Variants in ZDHHC3 observed in about 807,000 individuals in gnomAD.
ZDHHC3 encodes zDHHC palmitoyltransferase 3.
Under a neutral mutation model 30.6 loss-of-function variants are expected in ZDHHC3, and 9 were observed. The ratio of observed to expected loss-of-function variants is 0.29; its 90% CI spans 0.18 to 0.51. ZDHHC3 has a LOEUF of 0.51. Among genes scored for constraint, ZDHHC3 ranks in the 20% least tolerant of loss-of-function variants. The pLI is 0.97. For synonymous variants in ZDHHC3, 136 were observed against 140.2 expected (o/e 0.97, Z 0.21); for missense variants, 246 against 384.2 (o/e 0.64, Z 3.01).
Position 44,921,385 on chromosome 3 carries a change from CTCCTCATCAGAGATT to C in ZDHHC3, c.*5289_*5303del, listed in dbSNP as rs956690376. 4 of 985,320 alleles carry C rather than the reference CTCCTCATCAGAGATT, an allele frequency of 4.1e-6. No homozygotes were observed. The African/African-American group carries it at 7.0e-5, about 17-fold the overall frequency. The allele number at this position is 985,320 out of a possible 1,614,324, so 61.0% of individuals were successfully genotyped here. A position where few individuals can be genotyped will look rare whatever the true frequency, so the allele number is the denominator to read the frequency against. On this transcript the variant is annotated 3_prime_UTR_variant, in exon 7 of 7. Transcript: ENST00000424952. Reference sequence around the variant, plus strand: ...CATAGCGGGCCAGATAACACTGTCTCTCCTCATCAGAGATTTCATACCTCTATATTGTAACCCACA... The same window carrying C: ...CATAGCGGGCCAGATAACACTGTCTCTCATACCTCTATATTGTAACCCACA...
At chr3:44,958,414 C>T (rs973709231) in intron 2 of ZDHHC3, among the ~76,000 whole-genome samples, 7 of 152,132 alleles carry the variant, frequency 4.6e-5, no homozygotes, top group Non-Finnish European at 8.8e-5. Flanking sequence ...CTGAAACAAG[C>T]CACAGGAGGT....
At chr3:44,954,507 T>C (rs962744739) in intron 2 of ZDHHC3, among the ~76,000 whole-genome samples, 1 of 152,196 alleles carries the variant, frequency 6.6e-6, no homozygotes, top group Non-Finnish European at 1.5e-5. Context: ...TTTGTGTAAG[T>C]ACAGTCTATG....
rs1240496754 is a variant in ZDHHC3, at chr3:44,959,275, C to T, written c.162G>A (p.Leu54=). 1.2e-6 allele frequency: 2 copies of T among 1,614,198 alleles called. No individual in the cohort carries two copies. The highest frequency in any genetic ancestry group is 1.7e-5 in the Admixed American group (1 of 60,030). ...GGACCACGAACTCCGCATAGAGGACCAGAAACCAGGTAACGATGGCACAGG... is the reference window on the plus strand; with the variant it reads ...GGACCACGAACTCCGCATAGAGGACTAGAAACCAGGTAACGATGGCACAGG... ...GIACAIVTWF[L]VLYAEFVVLF... is the part of the protein sequence containing the mutation. The change falls in exon 2 of 7, where the codon CTG becomes CTA. Residue 54 remains leucine, a synonymous_variant. Coordinates refer to ENST00000424952, the MANE Select transcript of ZDHHC3 (RefSeq NM_001135179.2). The surrounding 1 kb of genome is among the most constrained non-coding windows in gnomAD (Gnocchi z 4.3).
chr3:44,952,640 T>C (rs1184252806), intron 2 of ZDHHC3, among the ~76,000 whole-genome samples: 1 of 152,188 alleles, frequency 6.6e-6, no homozygotes, highest in Non-Finnish European at 1.5e-5. Context: ...TGTGGTCTAT[T>C]TGGAGTTTCC....
At chr3:44,950,143 T>C (rs891342976) in intron 2 of ZDHHC3, among the ~76,000 whole-genome samples, 11 of 152,244 alleles carry the variant, frequency 7.2e-5, no homozygotes, top group African/African-American at 2.7e-4. Context: ...AGCTGTGTTC[T>C]CTTTCATGTA....
chr3:44,976,171 G>A lies in ZDHHC3; in HGVS notation c.-263C>T. 9.5e-7 allele frequency: 1 copy of A among 1,051,380 alleles called. No individual in the cohort carries two copies. Among genetic ancestry groups the A allele is most frequent in the Non-Finnish European group, 1.3e-6 (1 of 794,744 alleles). 65.1% of individuals were successfully genotyped at this position (1,051,380 alleles called of 1,614,324 possible). Reference sequence around the variant, plus strand: ...CGGCTGCAGGAGCGGCCGCCGCGCAGGTTGATGACGCGCTGACGCGGGGCG... The same window carrying A: ...CGGCTGCAGGAGCGGCCGCCGCGCAAGTTGATGACGCGCTGACGCGGGGCG... On this transcript the variant is annotated 5_prime_UTR_variant, in exon 1 of 7. Transcript: ENST00000424952.
chr3:44,929,499 T>A (rs1287158814), intron 5 of ZDHHC3, 63 bp from the exon 6 acceptor site: 16 of 1,594,466 alleles, frequency 1.0e-5, no homozygotes, highest in Middle Eastern at 1.7e-4. Flanking sequence ...CCAGGCTCAC[T>A]GCCCCACTAG....
At chr3:44,933,361 C>A in intron 4 of ZDHHC3, 162 bp from the exon 5 acceptor site, 1 of 656,442 alleles carries the variant, frequency 1.5e-6, no homozygotes, top group South Asian at 1.8e-5. Context: ...CCTACAGATC[C>A]GTCTACCCAC....
In ZDHHC3 at chr3:44,924,645, T is replaced by G. The variant is rs771490257; in HGVS notation, c.*2044A>C. On this transcript the variant is annotated 3_prime_UTR_variant, in exon 7 of 7. Transcript: ENST00000424952. ...GGAAAAGAGCTAACCTGGCTCACTT[T>G]AAAAAATGCCCTGGAAGATGGAGTA... 24 of 985,338 alleles carry G rather than the reference T, an allele frequency of 2.4e-5. No individual in the cohort carries two copies. Among genetic ancestry groups the G allele is most frequent in the Non-Finnish European group, 2.9e-5 (24 of 829,938 alleles). The allele number at this position is 985,338 out of a possible 1,614,324, so 61.0% of individuals were successfully genotyped here.
intron 2 of ZDHHC3, among the ~76,000 whole-genome samples, chr3:44,951,447 C>A (rs1703441905): frequency 1.3e-5 from 2 of 152,236 alleles, no homozygotes; most frequent in South Asian, 2.1e-4. Context: ...ACTTCTAGTA[C>A]CTTCCTTGAC....
chr3:44,930,350 G>T (rs529516051), intron 5 of ZDHHC3, among the ~76,000 whole-genome samples: 17 of 152,320 alleles, frequency 1.1e-4, no homozygotes, highest in Middle Eastern at 3.4e-3. Context: ...GGTGGCCTGG[G>T]AAATGCCAGG....
At chr3:44,972,669 T>C (rs1705500696) in intron 1 of ZDHHC3, among the ~76,000 whole-genome samples, 1 of 152,240 alleles carries the variant, frequency 6.6e-6, no homozygotes, top group Non-Finnish European at 1.5e-5. Context: ...CACCTTATTA[T>C]AGGCTGGCCT....
At chr3:44,933,680 T>C (rs534738391) in intron 4 of ZDHHC3, among the ~76,000 whole-genome samples, 13 of 152,232 alleles carry the variant, frequency 8.5e-5, no homozygotes, top group South Asian at 4.1e-4. Flanking sequence ...TCATAGCTAA[T>C]CAACTGAAAT....
intron 3 of ZDHHC3, chr3:44,938,296 C>G (rs758410138): frequency 2.6e-4 from 46 of 177,106 alleles, no homozygotes; most frequent in Non-Finnish European, 3.9e-4. Flanking sequence ...CCGGAAATAC[C>G]ACCTTTGATG....
rs1277145816 is a variant in ZDHHC3, at chr3:44,924,163, C to T, written c.*2526G>A. The stretch of plus-strand genomic sequence containing the variant: ...TACTATCAGAACTCCTGTGACCAAG[C>T]CAAAAGTTGGGGCTGACTTTGTGTA... On this transcript the variant is annotated 3_prime_UTR_variant, in exon 7 of 7. Coordinates refer to ENST00000424952, the MANE Select transcript of ZDHHC3 (RefSeq NM_001135179.2). The T allele has an allele frequency of 8.6e-5, 85 of 985,264 alleles. No individual in the cohort carries two copies. Among genetic ancestry groups the T allele is most frequent in the Non-Finnish European group, 1.0e-4 (83 of 829,924 alleles). 61.0% of individuals were successfully genotyped at this position (985,264 alleles called of 1,614,324 possible).
rs1700197668 is a variant in ZDHHC3 at position 44,916,744 on chromosome 3, G to C, written c.*9945C>G. The C allele has an allele frequency of 6.6e-6, 1 of 152,240 alleles. No homozygotes were observed. Among genetic ancestry groups the C allele is most frequent in the African/African-American group, 2.4e-5 (1 of 41,440 alleles). 9.4% of individuals were successfully genotyped at this position (152,240 alleles called of 1,614,324 possible). ...ACTGGAATGGGGTTTAGGAGCACCAGAACGCTGCTCAGACCTTCAGCAGTG... is the reference window on the plus strand; with the variant it reads ...ACTGGAATGGGGTTTAGGAGCACCACAACGCTGCTCAGACCTTCAGCAGTG... On this transcript the variant is annotated 3_prime_UTR_variant, in exon 7 of 7. Transcript: ENST00000424952.
Position 44,925,512 on chromosome 3 carries a change from CCT to C in ZDHHC3, c.*1175_*1176del. 8 of 985,458 alleles carry C rather than the reference CCT, an allele frequency of 8.1e-6. No individual in the cohort carries two copies. The highest frequency in any genetic ancestry group is 9.6e-6 in the Non-Finnish European group (8 of 829,934). The allele number at this position is 985,458 out of a possible 1,614,324, so 61.0% of individuals were successfully genotyped here. On this transcript the variant is annotated 3_prime_UTR_variant, in exon 7 of 7. Transcript: ENST00000424952. ...TCAAACAAGACTGACACAGGAAGTG[CCT>C]CTCAAATGGAAAATCTATTCTGTCC... is the stretch of plus-strand genomic sequence containing the variant.
chr3:44,959,094 A>T lies in ZDHHC3; in HGVS notation c.306+37T>A. Reference sequence around the variant, plus strand: ...GGCCATGCCAGAGCCAGAGGAGGAGAGTGTGGGCTGGTCAAAACAAGCCCA... The same window carrying T: ...GGCCATGCCAGAGCCAGAGGAGGAGTGTGTGGGCTGGTCAAAACAAGCCCA... On this transcript the variant is annotated intron_variant, in intron 2 of 6. Coordinates refer to ENST00000424952, the MANE Select transcript of ZDHHC3 (RefSeq NM_001135179.2). The surrounding 1 kb of genome is among the most constrained non-coding windows in gnomAD (Gnocchi z 4.3). 6.2e-7 allele frequency: 1 copy of T among 1,608,864 alleles called. No homozygotes were observed. Among genetic ancestry groups the T allele is most frequent in the Non-Finnish European group, 8.5e-7 (1 of 1,176,524 alleles).
chr3:44,927,348 C>CA (rs200878636), intron 6 of ZDHHC3, among the ~76,000 whole-genome samples: 3 of 151,094 alleles, frequency 2.0e-5, no homozygotes, highest in Admixed American at 6.6e-5. Context: ...ACCTTGCAGA[C>CA]AAAAAAAAAG....
Sources: allele counts gnomAD v4.1 joint callset (sites outside exome capture counted in the v4.1 genomes callset), GRCh38; gene constraint gnomAD v4.1.1; non-coding constraint Gnocchi (gnomAD v3.1); transcripts MANE v1.5; gene names NCBI Gene and HGNC (gene_info 2026-07-23, HGNC 2026-07-21).